The following MAPKAPK5 variants were observed in gnomAD, a reference collection of about 807,000 sequenced individuals.
MAPKAPK5 encodes the protein MAP kinase-activated protein kinase 5.
A neutral mutation model predicts 65.1 loss-of-function variants in MAPKAPK5; 30 were observed. The observed-to-expected ratio is 0.46, with a 90% CI of 0.34 to 0.63. The LOEUF (loss-of-function observed/expected upper bound fraction) is 0.63. Ranked by LOEUF, MAPKAPK5 falls within the 20% of genes least tolerant of loss-of-function variation. The probability of loss-of-function intolerance (pLI) is 0.01; values close to 1 mark genes in which losing one functional copy is unlikely to be tolerated. For synonymous variants in MAPKAPK5, 179 were observed against 204.6 expected (o/e 0.87, Z 1.07); for missense variants, 433 against 581.4 (o/e 0.74, Z 2.63).
intron 13 of MAPKAPK5, among the ~76,000 whole-genome samples, chr12:111,891,828 A>G (rs2070626846): frequency 6.6e-6 from 1 of 151,984 alleles, no homozygotes; most frequent in South Asian, 2.1e-4. Flanking sequence ...AAGGGAAAAA[A>G]AAACTTGAAA....
At chr12:111,870,082 T>TG (rs1398391804) in intron 5 of MAPKAPK5, among the ~76,000 whole-genome samples, 189 bp from the exon 6 acceptor site, 2 of 152,240 alleles carry the variant, frequency 1.3e-5, no homozygotes, top group African/African-American at 4.8e-5. Context: ...AAATACAAGT[T>TG]GCAGTTAAAC....
At chr12:111,868,303 C>T (rs1310262565) in intron 4 of MAPKAPK5, among the ~76,000 whole-genome samples, 1 of 152,130 alleles carries the variant, frequency 6.6e-6, no homozygotes, top group Non-Finnish European at 1.5e-5. Context: ...ACAGGCATCC[C>T]TAAAATATTC....
chr12:111,882,850 G>A (rs1034876673), intron 8 of MAPKAPK5: 18 of 985,260 alleles, frequency 1.8e-5, no homozygotes, highest in Non-Finnish European at 1.9e-5. Context: ...GTGCTGTACT[G>A]TAGGTGAGCC....
chr12:111,901,407 G>A lies in MAPKAPK5; in HGVS notation c.*8346G>A, dbSNP rs1035432806. The A allele has an allele frequency of 2.3e-4, 103 of 455,986 alleles. No homozygotes were observed. In the Admixed American group the frequency reaches 2.4e-3, roughly 11 times the overall value. The allele number at this position is 455,986 out of a possible 1,614,324, so 28.2% of individuals were successfully genotyped here. ...TGGTAAGCTAGGTGGGACACCTTCA[G>A]GAGAAGGTGAAAATCACAATATGAC... On this transcript the variant is annotated 3_prime_UTR_variant, in exon 14 of 14. Coordinates refer to ENST00000550735, the MANE Select transcript of MAPKAPK5 (RefSeq NM_003668.4).
At chr12:111,850,405 ACT>A (rs1468274392) in intron 1 of MAPKAPK5, among the ~76,000 whole-genome samples, 4 of 152,228 alleles carry the variant, frequency 2.6e-5, no homozygotes, top group Admixed American at 6.5e-5. Flanking sequence ...ATAACTATAG[ACT>A]CTAATATTTT....
At chr12:111,892,882 A>G in intron 13 of MAPKAPK5, 85 bp from the exon 14 acceptor site, 1 of 907,078 alleles carries the variant, frequency 1.1e-6, no homozygotes, top group Admixed American at 2.3e-5. Flanking sequence ...TGATACTGGT[A>G]AGGTGGACCT....
intron 1 of MAPKAPK5, among the ~76,000 whole-genome samples, chr12:111,860,209 T>C (rs1190225008): frequency 6.6e-6 from 1 of 152,248 alleles, no homozygotes; most frequent in Non-Finnish European, 1.5e-5. Flanking sequence ...GCTTTTACCC[T>C]ATCCTGATCA....
chr12:111,890,084 T>C lies in MAPKAPK5; in HGVS notation c.1261T>C (p.Trp421Arg). Residue 421 changes from tryptophan to arginine, a missense_variant, in exon 13 of 14, where the codon TGG (tryptophan) becomes CGG (arginine). Transcript: ENST00000550735. Reference protein sequence around the residue: ...EKLNEVMQEAWKYNRECKLLR... With the variant: ...EKLNEVMQEARKYNRECKLLR... ...ACTGAATGAAGTAATGCAGGAGGCT[T>C]GGAAGTATAACCGGGAATGCAAACT... 6.2e-7 allele frequency: 1 copy of C among 1,600,342 alleles called. No homozygotes were observed. Among genetic ancestry groups the C allele is most frequent in the Non-Finnish European group, 8.5e-7 (1 of 1,173,738 alleles).
At chr12:111,870,219 T>C in intron 5 of MAPKAPK5, 52 bp from the exon 6 acceptor site, 1 of 1,355,896 alleles carries the variant, frequency 7.4e-7, no homozygotes, top group South Asian at 1.2e-5. Context: ...GCCAGGTGTA[T>C]TAAAGAGTGG....
At chr12:111,869,766 A>G (rs995717916) in intron 5 of MAPKAPK5, among the ~76,000 whole-genome samples, 2 of 152,260 alleles carry the variant, frequency 1.3e-5, no homozygotes, top group African/African-American at 2.4e-5. Context: ...TCAAATCCAC[A>G]TAAACAGGCA....
chr12:111,847,949 C>A (rs893355358), intron 1 of MAPKAPK5, among the ~76,000 whole-genome samples: 1 of 152,200 alleles, frequency 6.6e-6, no homozygotes, highest in African/African-American at 2.4e-5. Context: ...GCAGTTCATT[C>A]TTTTTATTGA....
At chr12:111,873,606 G>A (rs1391528024) in intron 7 of MAPKAPK5, among the ~76,000 whole-genome samples, 1 of 152,136 alleles carries the variant, frequency 6.6e-6, no homozygotes, top group Non-Finnish European at 1.5e-5. Flanking sequence ...GCCTCCCAAA[G>A]TGCTGGGATT....
rs79738806 is a variant in MAPKAPK5, at chr12:111,874,470, GT to G, written c.579+3307del. Among the ~76,000 whole-genome samples, 953 of 133,366 alleles carry G rather than the reference GT, an allele frequency of 7.1e-3. 3 individuals are homozygous for G. Among genetic ancestry groups the G allele is most frequent in the African/African-American group, 0.02 (720 of 36,754 alleles). The allele number at this position is 133,366 out of a possible 152,430, so 87.5% of individuals were successfully genotyped here. ...AGTGTTTTTTGTTTGTTTGTTTTGGGTTTTTTTTTTTTTTTTTGAGATGGAA... is the reference window on the plus strand; with the variant it reads ...AGTGTTTTTTGTTTGTTTGTTTTGGGTTTTTTTTTTTTTTTTGAGATGGAA... On this transcript the variant is annotated intron_variant, in intron 7 of 13. Transcript: ENST00000550735.
intron 9 of MAPKAPK5, 147 bp from the exon 10 acceptor site, chr12:111,885,769 T>C (rs1310498864): frequency 2.1e-6 from 2 of 933,248 alleles, no homozygotes. Context: ...GGTTGGAGAC[T>C]AGAATCCCAT....
chr12:111,878,643 TCTC>T (rs1454003418), intron 7 of MAPKAPK5, among the ~76,000 whole-genome samples: 1 of 151,988 alleles, frequency 6.6e-6, no homozygotes, highest in Non-Finnish European at 1.5e-5. Flanking sequence ...ATAGTCTCGA[TCTC>T]CTGACCTCGT....
Position 111,874,753 on chromosome 12 carries a change from G to GC in MAPKAPK5, c.579+3578dup, listed in dbSNP as rs34265356. 2.5e-4 allele frequency among the ~76,000 whole-genome samples: 36 copies of GC among 142,692 alleles called. 1 individual carries two copies. Among genetic ancestry groups the GC allele is most frequent in the African/African-American group, 9.4e-4 (36 of 38,282 alleles). 93.6% of individuals were successfully genotyped at this position (142,692 alleles called of 152,430 possible). ...GTTGGGATTACAGGTGTGAGCCACTGCCCCCAGCCATACTAGTGACTTTTT... is the reference window on the plus strand; with the variant it reads ...GTTGGGATTACAGGTGTGAGCCACTGCCCCCCAGCCATACTAGTGACTTTTT... On this transcript the variant is annotated intron_variant, in intron 7 of 13. Transcript: ENST00000550735.
chr12:111,853,371 CA>C (rs1237584626), intron 1 of MAPKAPK5, among the ~76,000 whole-genome samples: 77 of 140,668 alleles, frequency 5.5e-4, no homozygotes, highest in Admixed American at 9.3e-4. Context: ...AACTTCGTCT[CA>C]AAAAAAAAAA....
intron 2 of MAPKAPK5, among the ~76,000 whole-genome samples, chr12:111,865,894 C>T (rs982407719): frequency 3.3e-5 from 5 of 150,740 alleles, no homozygotes; most frequent in African/African-American, 1.2e-4. Flanking sequence ...TGAGAGTCAC[C>T]TATAGCCAGC....
chr12:111,858,769 C>T (rs2069331364), intron 1 of MAPKAPK5, among the ~76,000 whole-genome samples: 1 of 146,506 alleles, frequency 6.8e-6, no homozygotes, highest in Non-Finnish European at 1.5e-5. Flanking sequence ...TCTCGAGCTC[C>T]TGACCTCATG....
Sources: allele counts gnomAD v4.1 joint callset (sites outside exome capture counted in the v4.1 genomes callset), GRCh38; gene constraint gnomAD v4.1.1; transcripts MANE v1.5; gene names NCBI Gene and HGNC (gene_info 2026-07-23, HGNC 2026-07-21).